DPF3: variants seen among roughly 807,000 people sequenced by gnomAD.
The protein encoded by DPF3 is zinc finger protein DPF3.
DPF3 carries 18 observed loss-of-function variants against 56.8 expected under a neutral mutation model. The ratio of observed to expected loss-of-function variants is 0.32; its 90% CI spans 0.22 to 0.47. The LOEUF is 0.47. DPF3 is among the 20% of genes least tolerant of loss of function. The pLI, the probability that DPF3 is intolerant of heterozygous loss-of-function variation, is 1.00. For missense variants in DPF3, 403 were observed against 488.8 expected, an observed-to-expected ratio of 0.82 and a Z score of 1.65; for synonymous variants, 188 against 180.2, an observed-to-expected ratio of 1.04 and a Z score of -0.35.
At chr14:72,859,695 C>T (rs748398440) in intron 1 of DPF3, among the ~76,000 whole-genome samples, 13 of 152,068 alleles carry the variant, frequency 8.5e-5, no homozygotes, top group Non-Finnish European at 1.6e-4. Flanking sequence ...TTCACTCATT[C>T]CCCCAGCAAA....
At position 72,692,949 on chromosome 14, in the gene DPF3, C is replaced by T. The variant is rs551582307; in HGVS notation, c.742+127G>A. On this transcript the variant is annotated intron_variant, in intron 7 of 10. Transcript: ENST00000556509. ...GCTGGCTGAAAGGGCCAACACACTACAGCACATTGAGACCACTCAACGGTT... is the reference window on the plus strand; with the variant it reads ...GCTGGCTGAAAGGGCCAACACACTATAGCACATTGAGACCACTCAACGGTT... The T allele has an allele frequency of 1.3e-5, 20 of 1,497,596 alleles. No homozygotes were observed. The Admixed American group carries it at 1.3e-4, about 10-fold the overall frequency. The allele number at this position is 1,497,596 out of a possible 1,614,324, so 92.8% of individuals were successfully genotyped here.
chr14:72,804,654 T>TA (rs1567238706), intron 1 of DPF3, among the ~76,000 whole-genome samples: 1 of 151,986 alleles, frequency 6.6e-6, no homozygotes, highest in Admixed American at 6.6e-5. Context: ...AGGCAGAAAG[T>TA]AGAGGAGGTC....
At chr14:72,892,090 C>G (rs1485791584) in intron 1 of DPF3, 1 of 1,492,710 alleles carries the variant, frequency 6.7e-7, no homozygotes, top group Non-Finnish European at 8.9e-7. Flanking sequence ...TGCGCCCGCC[C>G]GCGCGAAAGC....
chr14:72,642,112 C>G (rs576573856), intron 8 of DPF3, among the ~76,000 whole-genome samples: 47 of 152,312 alleles, frequency 3.1e-4, no homozygotes, highest in Non-Finnish European at 6.3e-4. Flanking sequence ...CTCCTTCAGC[C>G]CTGATGGAGC....
At position 72,838,905 on chromosome 14, in the gene DPF3, A is replaced by ATATATATATATATATATATTTT; in HGVS notation, c.32+55151_32+55152insAAAATATATATATATATATATA. Among the ~76,000 whole-genome samples, 21 of 64,490 alleles carry ATATATATATATATATATATTTT rather than the reference A, an allele frequency of 3.3e-4. 2 individuals carry two copies. Among genetic ancestry groups the ATATATATATATATATATATTTT allele is most frequent in the Admixed American group, 7.4e-4 (4 of 5,418 alleles). 42.3% of individuals were successfully genotyped at this position (64,490 alleles called of 152,430 possible). Reference sequence around the variant, plus strand: ...ATCTATCATATATATTATCATATATATTCTTTTTTTTTTTTTTTTTTTTTT... The same window carrying ATATATATATATATATATATTTT: ...ATCTATCATATATATTATCATATATATATATATATATATATATATTTTTTCTTTTTTTTTTTTTTTTTTTTTT... On this transcript the variant is annotated intron_variant, in intron 1 of 10. Transcript: ENST00000556509.
intron 1 of DPF3, among the ~76,000 whole-genome samples, chr14:72,822,407 T>G (rs1284428226): frequency 6.6e-6 from 1 of 151,266 alleles, no homozygotes; most frequent in African/African-American, 2.4e-5. Flanking sequence ...TAAAATAATC[T>G]ATGTCCTAGA....
chr14:72,641,634 G>A (rs908714227), intron 8 of DPF3, among the ~76,000 whole-genome samples: 1 of 152,220 alleles, frequency 6.6e-6, no homozygotes, highest in African/African-American at 2.4e-5. Context: ...AAGGTAGGAG[G>A]AGCAGCACTG....
At chr14:72,805,528 G>C (rs901197525) in intron 1 of DPF3, among the ~76,000 whole-genome samples, 3 of 151,210 alleles carry the variant, frequency 2.0e-5, no homozygotes, top group African/African-American at 7.3e-5. Flanking sequence ...AACAGTCACA[G>C]CATGCCATGC....
At chr14:72,877,901 T>C (rs1886177908) in intron 1 of DPF3, among the ~76,000 whole-genome samples, 1 of 152,248 alleles carries the variant, frequency 6.6e-6, no homozygotes, top group African/African-American at 2.4e-5. Context: ...CTCAGATGGC[T>C]GCCCAGAAAG....
rs1475404793 is a variant in DPF3, at chr14:72,693,128, A to C, written c.690T>G (p.Ala230=). Residue 230 remains alanine, a synonymous_variant, in exon 7 of 11, where the codon GCT becomes GCG. Coordinates refer to ENST00000556509, the MANE Select transcript of DPF3 (RefSeq NM_001280542.3). ...THLASEEGDE[A]QDQETRSPPN... ...GTGGGGACCGAGTCTCCTGGTCTTGAGCTTCATCCCCCTCCTCGCTGGCCA... is the reference window on the plus strand; with the variant it reads ...GTGGGGACCGAGTCTCCTGGTCTTGCGCTTCATCCCCCTCCTCGCTGGCCA... 1 of 1,613,938 alleles carries C rather than the reference A, an allele frequency of 6.2e-7. No homozygotes were observed. Among genetic ancestry groups the C allele is most frequent in the South Asian group, 1.1e-5 (1 of 91,078 alleles).
chr14:72,653,811 A>C (rs1885988929), intron 8 of DPF3, among the ~76,000 whole-genome samples: 1 of 152,198 alleles, frequency 6.6e-6, no homozygotes, highest in Admixed American at 6.5e-5. Context: ...TTTCAGAATA[A>C]TAACTGGTGG....
chr14:72,678,548 T>C (rs752534576), intron 7 of DPF3, among the ~76,000 whole-genome samples: 6 of 152,260 alleles, frequency 3.9e-5, no homozygotes, highest in Admixed American at 6.5e-5. Context: ...GGTTGGCCTA[T>C]GGCCTGACCC....
At chr14:72,723,441 C>G (rs2139841922) in intron 5 of DPF3, among the ~76,000 whole-genome samples, 192 bp downstream of exon 5, 1 of 152,324 alleles carries the variant, frequency 6.6e-6, no homozygotes, top group South Asian at 2.1e-4. Flanking sequence ...GCCTCCTCTC[C>G]TCCCTCTTGC....
At chr14:72,774,579 G>A (rs1891679312) in intron 1 of DPF3, among the ~76,000 whole-genome samples, 1 of 152,074 alleles carries the variant, frequency 6.6e-6, no homozygotes, top group Admixed American at 6.5e-5. Context: ...ACACAACCCT[G>A]GAAGCTTCTG....
intron 1 of DPF3, among the ~76,000 whole-genome samples, chr14:72,858,941 C>T (rs1283703121): frequency 1.3e-5 from 2 of 152,056 alleles, no homozygotes; most frequent in Non-Finnish European, 2.9e-5. Context: ...TGCTAAATAA[C>T]ACTATATATG....
At chr14:72,723,038 TTA>T (rs200545164) in intron 5 of DPF3, among the ~76,000 whole-genome samples, 1,650 of 148,400 alleles carry the variant, frequency 0.011, 22 homozygotes, top group African/African-American at 0.041. Flanking sequence ...TATGGTTTAT[TTA>T]TTTTTTTTAT....
At chr14:72,725,436 G>A (rs1034386370) in intron 4 of DPF3, among the ~76,000 whole-genome samples, 1 of 152,064 alleles carries the variant, frequency 6.6e-6, no homozygotes, top group Non-Finnish European at 1.5e-5. Flanking sequence ...ACAGAGGGGA[G>A]GGAGGGAAAA....
intron 1 of DPF3, among the ~76,000 whole-genome samples, chr14:72,828,319 G>A (rs185392831): frequency 2.0e-5 from 3 of 152,268 alleles, no homozygotes; most frequent in South Asian, 2.1e-4. Context: ...AAGTGAGGAC[G>A]TGGTCCCTGT....
intron 1 of DPF3, among the ~76,000 whole-genome samples, chr14:72,827,488 CTTTTTTTTTTT>C (rs1182260007): frequency 1.0e-4 from 8 of 78,318 alleles, no homozygotes; most frequent in East Asian, 3.0e-4. Context: ...TCCCTTTACT[CTTTTTTTTTTT>C]TTTTTTTTTT....
Sources: gnomAD v4.1 joint callset for allele counts (sites outside exome capture counted in the v4.1 genomes callset) on GRCh38, gnomAD v4.1.1 for gene constraint, MANE v1.5 for transcripts, NCBI Gene and HGNC (gene_info 2026-07-23, HGNC 2026-07-21) for gene names.